KIF23: variants seen among roughly 807,000 people sequenced by gnomAD.
The protein encoded by KIF23 is kinesin-like protein KIF23.
KIF23 carries 30 observed loss-of-function variants against 137.5 expected under a neutral mutation model. That is an observed-to-expected ratio of 0.22 (90% CI 0.16 to 0.30). KIF23 has a LOEUF of 0.30. Among genes scored for constraint, KIF23 ranks in the 10% least tolerant of loss-of-function variants. KIF23 has a pLI of 1.00. For synonymous variants in KIF23, 367 were observed against 391.1 expected (o/e 0.94, Z 0.73); for missense variants, 920 against 1,194.3 (o/e 0.77, Z 3.38).
intron 18 of KIF23, 46 bp from the exon 19 acceptor site, chr15:69,440,722 C>G (rs1457379390): frequency 1.1e-5 from 16 of 1,465,886 alleles, no homozygotes; most frequent in Non-Finnish European, 1.4e-5. Context: ...AATTGTTTCT[C>G]TCAGTTTTTC....
chr15:69,415,081 T>C (rs76176579), intron 1 of KIF23: 2,368 of 152,316 alleles, frequency 0.016, 78 homozygotes, highest in African/African-American at 0.053. Context: ...ATTCCTAAGC[T>C]AATATTTTCG....
Position 69,440,841 on chromosome 15 carries a change from C to CT in KIF23, c.2184dup (p.Asn729Ter). ...AGCCAGCCACAGCTACATAGGCGCT[C>CT]TAACTCTTGCAGCAGCATTTCTGTA... is the stretch of plus-strand genomic sequence containing the variant. On this transcript the variant is annotated frameshift_variant, in exon 19 of 24. Transcript: ENST00000679126. LOFTEE classifies it high-confidence loss of function. 1 of 1,613,970 alleles carries CT rather than the reference C, an allele frequency of 6.2e-7. No homozygotes were observed. The highest frequency in any genetic ancestry group is 8.5e-7 in the Non-Finnish European group (1 of 1,180,040).
rs747019301 is a variant in KIF23 at position 69,446,348 on chromosome 15, C to T, written c.2822C>T (p.Thr941Ile). 3 of 1,613,846 alleles carry T rather than the reference C, an allele frequency of 1.9e-6. No homozygotes were observed. Among genetic ancestry groups the T allele is most frequent in the Admixed American group, 1.7e-5 (1 of 60,002 alleles). The change falls in exon 22 of 24, where the codon ACC becomes ATC. Residue 941 changes from threonine to isoleucine, a missense_variant. Thr to Ile is a moderately conservative substitution (Grantham distance 89). This residue lies in a region of KIF23 where 75 missense variants were observed against 177.9 expected (regional missense o/e 0.42). Transcript: ENST00000679126. ...CCAGATGGTGCAGAGTCTGAATGGA[C>T]CGATGTAGAAACAAGGGTAGGGGAA... ...AQPDGAESEWTDVETRCSVAV... is the reference protein window; with the variant it reads ...AQPDGAESEWIDVETRCSVAV...
Position 69,423,292 on chromosome 15 carries a change from C to T in KIF23, c.697C>T (p.Leu233=), listed in dbSNP as rs2057108811. 1 of 1,579,666 alleles carries T rather than the reference C, an allele frequency of 6.3e-7. No individual in the cohort carries two copies. Among genetic ancestry groups the T allele is most frequent in the East Asian group, 2.3e-5 (1 of 43,694 alleles). ...IEIYNNYIYD[L]LEEVPFDPIK... ...AATATATAATAATTACATATATGAT[C>T]TATTGGAAGAGGTGCCGTTTGATCC... The change falls in exon 7 of 24, where the codon CTA becomes TTA. Residue 233 remains leucine (L), a synonymous_variant. Transcript: ENST00000679126.
intron 18 of KIF23, 58 bp from the exon 19 acceptor site, chr15:69,440,710 T>A: frequency 7.1e-7 from 1 of 1,398,954 alleles, no homozygotes; most frequent in Non-Finnish European, 9.6e-7. Context: ...AGAAAAGTAA[T>A]GAATTGTTTC....
At chr15:69,435,312 AAG>A (rs2057451011) in intron 11 of KIF23, among the ~76,000 whole-genome samples, 169 bp from the exon 12 acceptor site, 1 of 152,148 alleles carries the variant, frequency 6.6e-6, no homozygotes, top group African/African-American at 2.4e-5. Context: ...CTGCTATTGA[AAG>A]AGAGCCTGGA....
Position 69,435,578 on chromosome 15 carries a change from C to T in KIF23, c.1194+16C>T. 9.9e-6 allele frequency: 16 copies of T among 1,613,758 alleles called. No homozygotes were observed. Among genetic ancestry groups the T allele is most frequent in the Non-Finnish European group, 1.3e-5 (15 of 1,179,906 alleles). The stretch of plus-strand genomic sequence containing the variant: ...AACTAACAAGGTAAGCAGCAGCCTT[C>T]TCTGTTCTTTTGTATAGTTTCATTT... On this transcript the variant is annotated intron_variant, in intron 12 of 23. Transcript: ENST00000679126.
At chr15:69,447,546 A>G (rs2057767706) in intron 23 of KIF23, among the ~76,000 whole-genome samples, 1 of 152,192 alleles carries the variant, frequency 6.6e-6, no homozygotes, top group African/African-American at 2.4e-5. Flanking sequence ...TGTATATAAC[A>G]TTTTAAACAT....
rs115815907 is a variant in KIF23 at position 69,442,352 on chromosome 15, T to G, written c.2421+1273T>G. On this transcript the variant is annotated intron_variant, in intron 19 of 23. Coordinates refer to ENST00000679126, the MANE Select transcript of KIF23 (RefSeq NM_001367805.3). ...TTTCTTCTTAAAGATTAAGGTAAAG[T>G]TTCTTTTGAATCTGAATAAATGGAC... Among the ~76,000 whole-genome samples the G allele has an allele frequency of 3.9e-3, 588 of 152,348 alleles. 6 individuals are homozygous for G. Among genetic ancestry groups the G allele is most frequent in the African/African-American group, 0.014 (564 of 41,590 alleles).
At chr15:69,430,641 T>G (rs2057334075) in intron 11 of KIF23, among the ~76,000 whole-genome samples, 1 of 152,202 alleles carries the variant, frequency 6.6e-6, no homozygotes, top group Non-Finnish European at 1.5e-5. Context: ...TGAGATACTA[T>G]GGCAGAGTCA....
intron 10 of KIF23, among the ~76,000 whole-genome samples, chr15:69,428,271 T>A (rs1025933451): frequency 3.3e-5 from 5 of 150,570 alleles, no homozygotes; most frequent in African/African-American, 9.8e-5. Flanking sequence ...AAAATGGTTA[T>A]AAGTCAGCCT....
chr15:69,422,091 T>C lies in KIF23; in HGVS notation c.416T>C (p.Ile139Thr). The C allele has an allele frequency of 1.9e-6, 3 of 1,614,194 alleles. No individual in the cohort carries two copies. Among genetic ancestry groups the C allele is most frequent in the Non-Finnish European group, 2.5e-6 (3 of 1,180,028 alleles). The change falls in exon 5 of 24, where the codon ATC becomes ACC. Residue 139 changes from isoleucine to threonine, a missense_variant. Ile to Thr is a moderately conservative substitution (Grantham distance 89). Around this residue, in one of 4 missense-constraint regions of KIF23, gnomAD observed 714 missense variants for 866.2 expected, o/e 0.82. Coordinates refer to ENST00000679126, the MANE Select transcript of KIF23 (RefSeq NM_001367805.3). ...GGLLPRCLDM[I>T]FNSIGSFQAK... ...CTGCTTCCTCGTTGTTTGGACATGA[T>C]CTTTAACAGTATAGGGTCATTTCAA...
At chr15:69,428,594 A>G (rs2057266051) in intron 10 of KIF23, among the ~76,000 whole-genome samples, 1 of 119,228 alleles carries the variant, frequency 8.4e-6, no homozygotes, top group Non-Finnish European at 1.6e-5. Flanking sequence ...CAGGAGGGGG[A>G]GGTTGTAGTG....
In KIF23 at chr15:69,436,609, C is replaced by A; in HGVS notation, c.1484C>A (p.Pro495Gln). Residue 495 changes from proline to glutamine, a missense_variant, in exon 15 of 24, where the codon CCA becomes CAA. Transcript: ENST00000679126. ...GTTTTGCAGAGTTTTCCACCTTTGC[C>A]ATCATGCGAAATTTTGGATATCAAC... ...DVVLQSFPPL[P>Q]SCEILDINDE... 3 of 1,612,492 alleles carry A rather than the reference C, an allele frequency of 1.9e-6. No homozygotes were observed. The highest frequency in any genetic ancestry group is 2.5e-6 in the Non-Finnish European group (3 of 1,178,916).
At chr15:69,417,351 T>A in intron 2 of KIF23, 32 bp from the exon 3 acceptor site, 2 of 1,517,614 alleles carry the variant, frequency 1.3e-6, no homozygotes, top group Non-Finnish European at 1.8e-6. Context: ...AAGGTCGAAC[T>A]TTCTTCTTAA....
intron 11 of KIF23, among the ~76,000 whole-genome samples, chr15:69,430,180 C>T (rs1275380360): frequency 6.6e-6 from 1 of 152,092 alleles, no homozygotes; most frequent in East Asian, 1.9e-4. Flanking sequence ...TATAGCCAAT[C>T]TGTATATGTG....
At chr15:69,443,948 A>G in intron 19 of KIF23, 1 of 134,036 alleles carries the variant, frequency 7.5e-6, no homozygotes, top group East Asian at 2.1e-4. Context: ...CCCAGCTAAT[A>G]TATATATATA....
chr15:69,415,548 G>A (rs1308539347), intron 1 of KIF23, among the ~76,000 whole-genome samples: 2 of 152,156 alleles, frequency 1.3e-5, no homozygotes, highest in Non-Finnish European at 2.9e-5. Flanking sequence ...GTAATGTTTT[G>A]AGCATTCAAT....
chr15:69,424,873 C>A (rs778501144), intron 7 of KIF23, among the ~76,000 whole-genome samples: 1 of 152,194 alleles, frequency 6.6e-6, no homozygotes, highest in Non-Finnish European at 1.5e-5. Flanking sequence ...ACTGTCTTGA[C>A]TCTAATCTTG....
Sources: gnomAD v4.1 joint callset for allele counts (sites outside exome capture counted in the v4.1 genomes callset) on GRCh38, gnomAD v4.1.1 for gene constraint, gnomAD v4.1.1 regional missense constraint, MANE v1.5 for transcripts, NCBI Gene and HGNC (gene_info 2026-07-23, HGNC 2026-07-21) for gene names.